SH3PXD2B: variants seen among roughly 807,000 people sequenced by gnomAD.
SH3PXD2B encodes the protein SH3 and PX domain-containing protein 2B.
Under a neutral mutation model 73.1 loss-of-function variants are expected in SH3PXD2B, and 37 were observed. That is an observed-to-expected ratio of 0.51 (90% CI 0.39 to 0.67). SH3PXD2B has a LOEUF of 0.67. Among genes scored for constraint, SH3PXD2B ranks in the 30% least tolerant of loss-of-function variants. The probability of loss-of-function intolerance (pLI) is 0.00; values close to 1 mark genes in which losing one functional copy is unlikely to be tolerated. For synonymous variants in SH3PXD2B, 457 were observed against 480.5 expected, an observed-to-expected ratio of 0.95 and a Z score of 0.64; for missense variants, 1,053 against 1,197.8, an observed-to-expected ratio of 0.88 and a Z score of 1.78.
intron 6 of SH3PXD2B, among the ~76,000 whole-genome samples, chr5:172,368,606 A>ATAAC (rs1491452019): frequency 1.6e-4 from 3 of 19,246 alleles, no homozygotes; most frequent in African/African-American, 1.2e-3. Context: ...TTATATATAT[A>ATAAC]ATATATATGT....
Position 172,337,506 on chromosome 5 carries a change from A to G in SH3PXD2B, c.*863T>C. The G allele has an allele frequency of 4.1e-6, 4 of 985,544 alleles. No homozygotes were observed. Among genetic ancestry groups the G allele is most frequent in the Non-Finnish European group, 4.8e-6 (4 of 829,996 alleles). 61.0% of individuals were successfully genotyped at this position (985,544 alleles called of 1,614,324 possible). On this transcript the variant is annotated 3_prime_UTR_variant, in exon 13 of 13. Transcript: ENST00000311601. ...TTTGGCACCCACGAGGCACTCAGCA[A>G]AGGGGTGCTCACAAGGGCACGACTT...
chr5:172,409,842 G>A (rs760069379), intron 2 of SH3PXD2B, among the ~76,000 whole-genome samples: 3 of 152,032 alleles, frequency 2.0e-5, no homozygotes, highest in African/African-American at 4.8e-5. Context: ...CAGCCTCCCC[G>A]GTAGCTGAGA....
intron 1 of SH3PXD2B, among the ~76,000 whole-genome samples, chr5:172,432,107 A>G (rs1581335029): frequency 6.6e-6 from 1 of 152,298 alleles, no homozygotes; most frequent in East Asian, 1.9e-4. Flanking sequence ...TGGGAGGTGG[A>G]GGTTGTAGTG....
At chr5:172,401,481 T>C (rs753474133) in intron 3 of SH3PXD2B, among the ~76,000 whole-genome samples, 2 of 152,220 alleles carry the variant, frequency 1.3e-5, no homozygotes, top group African/African-American at 2.4e-5. Flanking sequence ...CTTAGAATTA[T>C]GTTTCTCTGT....
chr5:172,343,491 T>C (rs1263641984), intron 12 of SH3PXD2B, among the ~76,000 whole-genome samples: 2 of 152,110 alleles, frequency 1.3e-5, no homozygotes, highest in African/African-American at 4.8e-5. Context: ...CAAGAACTAC[T>C]AGGAATAAAA....
chr5:172,333,946 T>C lies in SH3PXD2B; in HGVS notation c.*4423A>G, dbSNP rs932959361. 1 of 1,239,064 alleles carries C rather than the reference T, an allele frequency of 8.1e-7. No individual in the cohort carries two copies. Among genetic ancestry groups the C allele is most frequent in the Non-Finnish European group, 1.0e-6 (1 of 971,082 alleles). The allele number at this position is 1,239,064 out of a possible 1,614,324, so 76.8% of individuals were successfully genotyped here. The stretch of plus-strand genomic sequence containing the variant: ...ACACTGGGGTAAAATGTGGACACCA[T>C]CGTTGCATTAGAATTGCTTATTGCT... On this transcript the variant is annotated 3_prime_UTR_variant, in exon 13 of 13. Transcript: ENST00000311601.
chr5:172,356,948 G>A (rs530820620), intron 8 of SH3PXD2B, among the ~76,000 whole-genome samples: 13 of 152,186 alleles, frequency 8.5e-5, no homozygotes, highest in African/African-American at 1.9e-4. Context: ...AGTATTAACC[G>A]TGAACTTGGG....
rs758320891 is a variant in SH3PXD2B at position 172,338,915 on chromosome 5, C to T, written c.2190G>A (p.Pro730=). 3.0e-5 allele frequency: 49 copies of T among 1,613,922 alleles called. No individual in the cohort carries two copies. Among genetic ancestry groups the T allele is most frequent in the South Asian group, 1.2e-4 (11 of 91,074 alleles). Residue 730 remains proline, a synonymous_variant, in exon 13 of 13, where the codon CCG becomes CCA. Transcript: ENST00000311601. The surrounding 1 kb of genome is among the most constrained non-coding windows in gnomAD (Gnocchi z 5.1). The part of the protein sequence containing the change: ...SPKEISCRAP[P]RPAKTTDPVS... ...CAGGATCTGTGGTCTTGGCTGGCCT[C>T]GGAGGGGCTCTGCAGGAAATCTCTT...
downstream of SH3PXD2B, among the ~76,000 whole-genome samples, chr5:172,332,238 C>T (rs187632437): frequency 1.6e-3 from 247 of 150,202 alleles, 2 homozygotes; most frequent in African/African-American, 5.6e-3. Flanking sequence ...CCCAGAACAC[C>T]GCATGACTTT....
intron 12 of SH3PXD2B, among the ~76,000 whole-genome samples, chr5:172,344,588 CAAAAAAA>C (rs756550290): frequency 8.3e-4 from 21 of 25,236 alleles, no homozygotes; most frequent in African/African-American, 3.6e-3. Flanking sequence ...GAGGCTCTGT[CAAAAAAA>C]AAAAAAAAAA....
intron 6 of SH3PXD2B, among the ~76,000 whole-genome samples, chr5:172,372,803 AT>A (rs1757735284): frequency 6.6e-6 from 1 of 152,128 alleles, no homozygotes. Flanking sequence ...CCTGATCCTC[AT>A]CAACCCCTTC....
At chr5:172,351,701 T>G (rs754407784) in intron 9 of SH3PXD2B, among the ~76,000 whole-genome samples, 3 of 152,044 alleles carry the variant, frequency 2.0e-5, no homozygotes, top group Non-Finnish European at 2.9e-5. Flanking sequence ...TTGGGGAAAG[T>G]TGAACAGACC....
intron 12 of SH3PXD2B, among the ~76,000 whole-genome samples, chr5:172,341,339 AG>A (rs1219839751): frequency 1.3e-5 from 2 of 152,072 alleles, no homozygotes; most frequent in Non-Finnish European, 2.9e-5. Context: ...CCAATGATGG[AG>A]GTGGGGCCTG....
intron 8 of SH3PXD2B, among the ~76,000 whole-genome samples, chr5:172,354,474 T>G (rs1757229416): frequency 6.6e-6 from 1 of 152,226 alleles, no homozygotes; most frequent in Non-Finnish European, 1.5e-5. Flanking sequence ...TTCATTCCTG[T>G]GTCTTCAGCA....
rs375092856 is a variant in SH3PXD2B, at chr5:172,368,616, TTATA to T, written c.427+5170_427+5173del. Reference sequence around the variant, plus strand: ...ATATGTTATATATATAATATATATGTTATATATATATATAATATATATGTTATAT... The same window carrying T: ...ATATGTTATATATATAATATATATGTTATATATATAATATATATGTTATAT... On this transcript the variant is annotated intron_variant, in intron 6 of 12. Transcript: ENST00000311601. 2.0e-3 allele frequency among the ~76,000 whole-genome samples: 37 copies of T among 18,628 alleles called. 8 individuals are homozygous for T. Among genetic ancestry groups the T allele is most frequent in the South Asian group, 9.9e-3 (3 of 302 alleles). 12.2% of individuals were successfully genotyped at this position (18,628 alleles called of 152,430 possible).
chr5:172,373,039 A>G, intron 6 of SH3PXD2B, among the ~76,000 whole-genome samples: 1 of 152,210 alleles, frequency 6.6e-6, no homozygotes, highest in South Asian at 2.1e-4. Context: ...CTCTTTCTCC[A>G]TAATTGCTTC....
At chr5:172,451,560 ACT>A (rs1343238814) in intron 1 of SH3PXD2B, among the ~76,000 whole-genome samples, 1 of 152,030 alleles carries the variant, frequency 6.6e-6, no homozygotes, top group African/African-American at 2.4e-5. Flanking sequence ...AGTTTGAGAA[ACT>A]CTGCCCTTGA....
intron 5 of SH3PXD2B, among the ~76,000 whole-genome samples, chr5:172,376,275 C>T (rs564463039): frequency 1.2e-4 from 18 of 152,162 alleles, no homozygotes; most frequent in Non-Finnish European, 2.6e-4. Flanking sequence ...GTGATTTGCC[C>T]GCTTTGGCCT....
chr5:172,344,770 C>T (rs1756951879), intron 12 of SH3PXD2B, among the ~76,000 whole-genome samples: 1 of 152,160 alleles, frequency 6.6e-6, no homozygotes, highest in Admixed American at 6.5e-5. Context: ...GGATTTCCTT[C>T]TAGTGAAACA....
Sources: allele counts gnomAD v4.1 joint callset (sites outside exome capture counted in the v4.1 genomes callset), GRCh38; gene constraint gnomAD v4.1.1; non-coding constraint Gnocchi (gnomAD v3.1); transcripts MANE v1.5; gene names NCBI Gene and HGNC (gene_info 2026-07-23, HGNC 2026-07-21).